Variants in DMD observed in about 807,000 individuals in gnomAD.
DMD encodes mutant dystrophin.
In DMD, 63 loss-of-function variants were observed where a neutral mutation model predicts 330.1. That is an observed-to-expected ratio of 0.19 (90% CI 0.16 to 0.24). The LOEUF is 0.24. Ranked by LOEUF, DMD falls within the 10% of genes least tolerant of loss-of-function variation. The pLI is 1.00. For synonymous variants in DMD, 1,223 were observed against 959.8 expected, an observed-to-expected ratio of 1.27 and a Z score of -5.07; for missense variants, 3,344 against 2,684.1, an observed-to-expected ratio of 1.25 and a Z score of -5.43.
intron 7 of DMD, among the ~76,000 whole-genome samples, chrX:32,718,638 T>C (rs1002117188): frequency 1.8e-5 from 2 of 112,180 alleles, no homozygotes; most frequent in South Asian, 3.7e-4. Flanking sequence ...TATATTACTT[T>C]TGCTTTTACT....
Position 32,411,850 on chromosome X carries a change from A to T in DMD, c.4135T>A (p.Leu1379Ile). 8.3e-7 allele frequency: 1 copy of T among 1,211,097 alleles called. No homozygotes were observed. Among genetic ancestry groups the T allele is most frequent in the South Asian group, 1.8e-5 (1 of 56,951 alleles). ...GTGAGGGACTCCTGGATTAAGTGTA[A>T]GGATTTTTCAGTCTCCTGGGCAGAC... ...IQSAQETEKS[L>I]HLIQESLTFI... Residue 1379 changes from leucine to isoleucine, a missense_variant, in exon 30 of 79, where the codon TTA (leucine) becomes ATA (isoleucine). Leu to Ile is a conservative substitution (Grantham distance 5). Coordinates refer to ENST00000357033, the MANE Select transcript of DMD (RefSeq NM_004006.3).
intron 44 of DMD, among the ~76,000 whole-genome samples, chrX:32,173,066 GGTGTGTGTGTGTGTGTGT>G (rs3040089): frequency 4.0e-4 from 36 of 89,626 alleles, no homozygotes; most frequent in East Asian, 1.1e-3. Context: ...ACCTGATTTT[GGTGTGTGTGTGTGTGTGT>G]GTGTGTGTGT....
At chrX:32,642,002 A>ATTATT (rs2059496493) in intron 11 of DMD, among the ~76,000 whole-genome samples, 1 of 110,791 alleles carries the variant, frequency 9.0e-6, no homozygotes, top group Non-Finnish European at 1.9e-5. Flanking sequence ...TAAAACCTAG[A>ATTATT]TTAGTTTTTT....
In DMD at chrX:31,968,353, T is replaced by G. The variant is rs1039612595; in HGVS notation, c.6600A>C (p.Ser2200=). 4 of 1,210,738 alleles carry G rather than the reference T, an allele frequency of 3.3e-6. No homozygotes were observed. Among genetic ancestry groups the G allele is most frequent in the Non-Finnish European group, 4.5e-6 (4 of 894,728 alleles). Residue 2200 remains serine, a synonymous_variant, in exon 45 of 79, where the codon TCA becomes TCC. Coordinates refer to ENST00000357033, the MANE Select transcript of DMD (RefSeq NM_004006.3). ...LRWQEVCKQL[S]DRKKRLEEQK... Reference sequence around the variant, plus strand: ...TGTCGCCCTACCTCTTTTTTCTGTCTGACAGCTGTTTGCAGACCTCCTGCC... The same window carrying G: ...TGTCGCCCTACCTCTTTTTTCTGTCGGACAGCTGTTTGCAGACCTCCTGCC...
At chrX:32,723,044 C>A (rs968214361) in intron 7 of DMD, among the ~76,000 whole-genome samples, 1 of 111,078 alleles carries the variant, frequency 9.0e-6, no homozygotes, top group Non-Finnish European at 1.9e-5. Flanking sequence ...CACCCCACAA[C>A]CACCGTTGAT....
chrX:32,719,428 A>G (rs890370727), intron 7 of DMD, among the ~76,000 whole-genome samples: 7 of 111,721 alleles, frequency 6.3e-5, no homozygotes, highest in African/African-American at 2.3e-4. Context: ...AATGAAGTAG[A>G]TGAAATTTTC....
chrX:33,296,775 GAC>G (rs2053590431), intron 1 of DMD, among the ~76,000 whole-genome samples: 1 of 110,811 alleles, frequency 9.0e-6, no homozygotes, highest in African/African-American at 3.3e-5. Context: ...GTCAAAGGAA[GAC>G]ACAAAAAATA....
At chrX:32,757,154 C>A (rs1192476639) in intron 7 of DMD, among the ~76,000 whole-genome samples, 1 of 111,129 alleles carries the variant, frequency 9.0e-6, no homozygotes, top group Admixed American at 9.6e-5. Flanking sequence ...TTGATATATC[C>A]ATTACCTCAC....
Position 32,781,201 on chromosome X carries a change from A to T in DMD, c.649+28292T>A, listed in dbSNP as rs748743552. On this transcript the variant is annotated intron_variant, in intron 7 of 78. Transcript: ENST00000357033. Reference sequence around the variant, plus strand: ...ATAATAAAGGTCCCAGCACATGAGGAAGTCACCACCAATAACAGGACTGAA... The same window carrying T: ...ATAATAAAGGTCCCAGCACATGAGGTAGTCACCACCAATAACAGGACTGAA... Among the ~76,000 whole-genome samples, 64 of 110,589 alleles carry T rather than the reference A, an allele frequency of 5.8e-4. No individual in the cohort carries two copies. In the East Asian group the frequency reaches 0.017, roughly 30 times the overall value.
intron 1 of DMD, among the ~76,000 whole-genome samples, chrX:33,327,560 TA>T (rs2054106066): frequency 9.0e-6 from 1 of 111,139 alleles, no homozygotes; most frequent in Admixed American, 9.6e-5. Flanking sequence ...ATACAATGAA[TA>T]AAATCAAGGC....
chrX:31,247,477 G>A (rs776555385), intron 63 of DMD, among the ~76,000 whole-genome samples: 1 of 109,661 alleles, frequency 9.1e-6, no homozygotes, highest in South Asian at 4.1e-4. Context: ...GCACACGCCT[G>A]TAGTCCCAGC....
intron 74 of DMD, among the ~76,000 whole-genome samples, chrX:31,150,886 A>G (rs1385469205): frequency 8.0e-5 from 9 of 111,880 alleles, no homozygotes; most frequent in Non-Finnish European, 1.5e-4. Context: ...AGTACCTAAC[A>G]TTACAAGGTT....
chrX:31,773,849 A>T (rs1461928815), intron 51 of DMD, 111 bp downstream of exon 51: 1 of 631,820 alleles, frequency 1.6e-6, no homozygotes, highest in African/African-American at 2.3e-5. Context: ...GCTGAGAGAG[A>T]AACAGTTGCC....
chrX:31,906,126 G>A (rs1569507419), intron 47 of DMD, among the ~76,000 whole-genome samples: 2 of 111,216 alleles, frequency 1.8e-5, no homozygotes, highest in Non-Finnish European at 3.8e-5. Context: ...TTCTCACGAG[G>A]TCTGATGGTT....
intron 1 of DMD, among the ~76,000 whole-genome samples, chrX:33,324,869 G>A (rs1416183770): frequency 9.0e-6 from 1 of 111,364 alleles, no homozygotes; most frequent in African/African-American, 3.3e-5. Context: ...CAGATTTTGA[G>A]TTCATTTCCA....
chrX:33,107,309 T>TGGGG, intron 1 of DMD, among the ~76,000 whole-genome samples: 1 of 22,214 alleles, frequency 4.5e-5, no homozygotes, highest in Non-Finnish European at 1.1e-4. Context: ...CGAAGCTCTG[T>TGGGG]CCCCCCCCCC....
chrX:33,132,285 C>A (rs139625264), intron 1 of DMD, among the ~76,000 whole-genome samples: 2 of 111,951 alleles, frequency 1.8e-5, no homozygotes, highest in African/African-American at 6.5e-5. Context: ...TTTTGGATAT[C>A]TCCCTTAATA....
At chrX:33,039,159 G>A (rs1242759610) in intron 1 of DMD, among the ~76,000 whole-genome samples, 1 of 111,161 alleles carries the variant, frequency 9.0e-6, no homozygotes, top group Non-Finnish European at 1.9e-5. Flanking sequence ...TTTTTAGGAA[G>A]TATCTCAATC....
chrX:31,651,828 G>A (rs2080471565), intron 54 of DMD, among the ~76,000 whole-genome samples: 1 of 111,621 alleles, frequency 9.0e-6, no homozygotes, highest in South Asian at 3.8e-4. Flanking sequence ...TCTCTTGACT[G>A]AATTATGACA....
Sources: allele counts gnomAD v4.1 joint callset (sites outside exome capture counted in the v4.1 genomes callset), GRCh38; gene constraint gnomAD v4.1.1; transcripts MANE v1.5; gene names NCBI Gene and HGNC (gene_info 2026-07-23, HGNC 2026-07-21).